RFXANK: variants seen among roughly 807,000 people sequenced by gnomAD.
RFXANK encodes regulatory factor X associated ankyrin containing protein.
RFXANK carries 19 observed loss-of-function variants against 34.5 expected under a neutral mutation model. The observed-to-expected ratio is 0.55, with a 90% CI of 0.38 to 0.81. The LOEUF is 0.81. RFXANK is among the 30% of genes least tolerant of loss of function. The pLI, the probability that RFXANK is intolerant of heterozygous loss-of-function variation, is 0.00. For missense variants in RFXANK, 295 were observed against 343.5 expected, an observed-to-expected ratio of 0.86 and a Z score of 1.12; for synonymous variants, 154 against 149.8, an observed-to-expected ratio of 1.03 and a Z score of -0.20.
intron 6 of RFXANK, 102 bp from the exon 7 acceptor site, chr19:19,198,005 C>CT (rs1320904027): frequency 1.1e-5 from 17 of 1,481,810 alleles, no homozygotes; most frequent in Non-Finnish European, 1.5e-5. Context: ...GAGCAAGACT[C>CT]TATCTCCAAA....
chr19:19,197,325 A>C (rs2060617960), intron 5 of RFXANK, 74 bp downstream of exon 5: 2 of 1,474,772 alleles, frequency 1.4e-6, no homozygotes, highest in Non-Finnish European at 1.9e-6. Flanking sequence ...ATACCCACTC[A>C]TGACGTGACC....
chr19:19,198,027 A>AG, intron 6 of RFXANK, 80 bp from the exon 7 acceptor site: 1 of 1,535,596 alleles, frequency 6.5e-7, no homozygotes, highest in East Asian at 2.3e-5. Flanking sequence ...AAAAAAAAAA[A>AG]GATGCGGCTG....
Position 19,197,614 on chromosome 19 carries a change from T to C in RFXANK, c.431T>C (p.Leu144Pro). The change falls in exon 6 of 10, where the codon CTG (leucine) becomes CCG (proline). Residue 144 changes from leucine to proline, a missense_variant. Transcript: ENST00000303088. Reference protein sequence around the residue: ...FGEIETVRFLLEWGADPHILA... With the variant: ...FGEIETVRFLPEWGADPHILA... ...GAGATTGAGACCGTTCGCTTCCTGC[T>C]GGAGTGGGTGCGTCCCAGCCCAGCT... The C allele has an allele frequency of 6.2e-7, 1 of 1,613,598 alleles. No homozygotes were observed. Among genetic ancestry groups the C allele is most frequent in the South Asian group, 1.1e-5 (1 of 91,056 alleles).
chr19:19,199,150 G>T lies in RFXANK; in HGVS notation c.632-4G>T, dbSNP rs556595003. On this transcript the variant is annotated splice_polypyrimidine_tract_variant and splice_region_variant and intron_variant, in intron 8 of 9. Transcript: ENST00000303088. Reference sequence around the variant, plus strand: ...CCTCCAGCGCCCTCCCCTCTCCTTTGCAGCCCGAGGCGCTGACCTCACCAC... The same window carrying T: ...CCTCCAGCGCCCTCCCCTCTCCTTTTCAGCCCGAGGCGCTGACCTCACCAC... 2.5e-6 allele frequency: 4 copies of T among 1,613,528 alleles called. No homozygotes were observed. In the Admixed American group the frequency reaches 5.0e-5, roughly 20 times the overall value.
In RFXANK at chr19:19,199,235, G is replaced by A; in HGVS notation, c.712+1G>A. 6.2e-7 allele frequency: 1 copy of A among 1,614,102 alleles called. No homozygotes were observed. Among genetic ancestry groups the A allele is most frequent in the Non-Finnish European group, 8.5e-7 (1 of 1,180,026 alleles). On this transcript the variant is annotated splice_donor_variant, in intron 9 of 9. Coordinates refer to ENST00000303088, the MANE Select transcript of RFXANK (RefSeq NM_003721.4). LOFTEE classifies it high-confidence loss of function. ...GCCGTGGCCCTGGGATACCGGAAAG[G>A]TCAGCCTGAGACACACAGAGCAGGG...
At chr19:19,199,291 T>A in intron 9 of RFXANK, 57 bp downstream of exon 9, 1 of 1,528,336 alleles carries the variant, frequency 6.5e-7, no homozygotes, top group South Asian at 1.1e-5. Flanking sequence ...AGGGTGACCA[T>A]AAAGGGGTAC....
In RFXANK at chr19:19,201,856, T is replaced by C. The variant is rs2060725496; in HGVS notation, c.*137T>C. 49 of 1,612,124 alleles carry C rather than the reference T, an allele frequency of 3.0e-5. No homozygotes were observed. In the South Asian group the frequency reaches 5.3e-4, roughly 17 times the overall value. On this transcript the variant is annotated 3_prime_UTR_variant, in exon 10 of 10. Coordinates refer to ENST00000303088, the MANE Select transcript of RFXANK (RefSeq NM_003721.4). ...CTTCCCAAGAGGAACCAATAAACCT[T>C]CTGTGCAGAATGAGGGACTTTGCTG...
chr19:19,198,653 A>G lies in RFXANK; in HGVS notation c.565-4A>G, dbSNP rs765245480. ...TTGGTTTCTCCTGCCCCTACCCACG[A>G]CAGAATGGAGGGACGCCACTGCTGT... On this transcript the variant is annotated splice_polypyrimidine_tract_variant and splice_region_variant and intron_variant, in intron 7 of 9. Coordinates refer to ENST00000303088, the MANE Select transcript of RFXANK (RefSeq NM_003721.4). The G allele has an allele frequency of 1.2e-6, 2 of 1,613,454 alleles. No individual in the cohort carries two copies. Among genetic ancestry groups the G allele is most frequent in the South Asian group, 1.1e-5 (1 of 91,090 alleles).
rs1030731470 is a variant in RFXANK, at chr19:19,198,603, T to C, written c.565-54T>C. On this transcript the variant is annotated intron_variant, in intron 7 of 9. Transcript: ENST00000303088. ...TGGAGGCCAGAGAGTACAAGGCATT[T>C]TGAGAATGAGGAAGAGGTAAACCTT... is the stretch of plus-strand genomic sequence containing the variant. 24 of 1,596,250 alleles carry C rather than the reference T, an allele frequency of 1.5e-5. No individual in the cohort carries two copies. The African/African-American group carries it at 2.8e-4, about 19-fold the overall frequency.
At chr19:19,193,913 C>G (rs751827842) in intron 2 of RFXANK, 26 bp from the exon 3 acceptor site, 1 of 1,610,906 alleles carries the variant, frequency 6.2e-7, no homozygotes, top group East Asian at 2.2e-5. Flanking sequence ...TTATTGTCAT[C>G]TCTCCCCTTC....
chr19:19,201,837 A>C lies in RFXANK; in HGVS notation c.*118A>C. On this transcript the variant is annotated 3_prime_UTR_variant, in exon 10 of 10. Coordinates refer to ENST00000303088, the MANE Select transcript of RFXANK (RefSeq NM_003721.4). Reference sequence around the variant, plus strand: ...CAGGTGGTGGGAGGGGACCCTTCCCAAGAGGAACCAATAAACCTTCTGTGC... The same window carrying C: ...CAGGTGGTGGGAGGGGACCCTTCCCCAGAGGAACCAATAAACCTTCTGTGC... 1.2e-6 allele frequency: 2 copies of C among 1,611,534 alleles called. No homozygotes were observed. Among genetic ancestry groups the C allele is most frequent in the Non-Finnish European group, 8.5e-7 (1 of 1,178,700 alleles).
chr19:19,199,007 G>T, intron 8 of RFXANK, 147 bp from the exon 9 acceptor site: 1 of 822,482 alleles, frequency 1.2e-6, no homozygotes, highest in Non-Finnish European at 2.0e-6. Flanking sequence ...AGCAGAGGTT[G>T]GACCCTTGTC....
chr19:19,197,722 C>CTGCTGGCTGGG (rs1391112258), intron 6 of RFXANK, 101 bp downstream of exon 6: 14 of 1,101,260 alleles, frequency 1.3e-5, no homozygotes, highest in Non-Finnish European at 1.7e-5. Flanking sequence ...TGAGATGCGG[C>CTGCTGGCTGGG]TGCTGGCTGG....
At chr19:19,195,651 T>G (rs901763847) in intron 3 of RFXANK, among the ~76,000 whole-genome samples, 1 of 151,466 alleles carries the variant, frequency 6.6e-6, no homozygotes, top group African/African-American at 2.4e-5. Flanking sequence ...GGTGTCACCT[T>G]GGGGAGGCCC....
intron 5 of RFXANK, 120 bp from the exon 6 acceptor site, chr19:19,197,401 A>G (rs2060619303): frequency 2.5e-6 from 3 of 1,218,888 alleles, no homozygotes; most frequent in Non-Finnish European, 2.4e-6. Context: ...ATGTCCATCA[A>G]CATACGCTCC....
At chr19:19,198,512 T>C in intron 7 of RFXANK, 145 bp from the exon 8 acceptor site, 2 of 1,029,604 alleles carry the variant, frequency 1.9e-6, no homozygotes, top group Non-Finnish European at 2.9e-6. Context: ...TGGAGGAAGG[T>C]GTCTAAGCTT....
chr19:19,192,879 G>C (rs1450718908), intron 1 of RFXANK, 81 bp from the exon 2 acceptor site: 1 of 152,364 alleles, frequency 6.6e-6, no homozygotes, highest in Non-Finnish European at 1.5e-5. Context: ...CACTTTTGGG[G>C]GGCGGGGGTG....
In RFXANK at chr19:19,198,169, C is replaced by T. The variant is rs145457604; in HGVS notation, c.501C>T (p.Gly167=). 1.5e-5 allele frequency: 25 copies of T among 1,614,148 alleles called. No homozygotes were observed. Among genetic ancestry groups the T allele is most frequent in the South Asian group, 1.2e-4 (11 of 91,082 alleles). The stretch of plus-strand genomic sequence containing the variant: ...GCGCCCTGTCGCTGGCCAGCACAGG[C>T]GGCTACACAGACATTGTGGGGCTGC... ...RESALSLAST[G]GYTDIVGLLL... Residue 167 remains glycine, a synonymous_variant, in exon 7 of 10, where the codon GGC becomes GGT. Coordinates refer to ENST00000303088, the MANE Select transcript of RFXANK (RefSeq NM_003721.4).
In RFXANK at chr19:19,199,184, ACT is replaced by A; in HGVS notation, c.665_666del (p.Ser222TrpfsTer36). ...GGCGCTGACCTCACCACCGAAGCCG[ACT>A]CTGGCTACACCCCGATGGACCTTGC... On this transcript the variant is annotated frameshift_variant, in exon 9 of 10. Coordinates refer to ENST00000303088, the MANE Select transcript of RFXANK (RefSeq NM_003721.4). LOFTEE classifies it high-confidence loss of function. The A allele has an allele frequency of 6.2e-7, 1 of 1,613,708 alleles. No individual in the cohort carries two copies. The highest frequency in any genetic ancestry group is 8.5e-7 in the Non-Finnish European group (1 of 1,179,944).
Sources: gnomAD v4.1 joint callset for allele counts (sites outside exome capture counted in the v4.1 genomes callset) on GRCh38, gnomAD v4.1.1 for gene constraint, MANE v1.5 for transcripts, NCBI Gene and HGNC (gene_info 2026-07-23, HGNC 2026-07-21) for gene names.